PABIR3: variants seen among roughly 807,000 people sequenced by gnomAD.
The protein encoded by PABIR3 is PABIR family member 1.
In PABIR3, 20 loss-of-function variants were observed where a neutral mutation model predicts 23.1. The observed-to-expected ratio is 0.86, with a 90% CI of 0.61 to 1.26. The LOEUF is 1.26. Among genes scored for constraint, PABIR3 ranks in the 50% most tolerant of loss-of-function variants. The pLI, the probability that PABIR3 is intolerant of heterozygous loss-of-function variation, is 0.00. For synonymous variants in PABIR3, 69 were observed against 68.5 expected, an observed-to-expected ratio of 1.01 and a Z score of -0.04; for missense variants, 189 against 195.4, an observed-to-expected ratio of 0.97 and a Z score of 0.20.
chrX:134,796,998 C>G (rs1449335525), intron 1 of PABIR3: 2 of 113,200 alleles, frequency 1.8e-5, no homozygotes, highest in African/African-American at 3.2e-5. Flanking sequence ...TCCCTGCCCC[C>G]CTCCCGCCTC....
chrX:134,862,351 T>G, the PABIR3 span, among the ~76,000 whole-genome samples: 1 of 110,421 alleles, frequency 9.1e-6, no homozygotes, highest in African/African-American at 3.3e-5. Flanking sequence ...GGTTTCACTG[T>G]GTTGGCCAGG....
intron 4 of PABIR3, among the ~76,000 whole-genome samples, chrX:134,844,653 CTT>C (rs2082375020): frequency 8.9e-6 from 1 of 112,087 alleles, no homozygotes; most frequent in African/African-American, 3.2e-5. Flanking sequence ...GAGCACCTCT[CTT>C]ACAATTTTAC....
chrX:134,854,908 G>A (rs2082738150), downstream of PABIR3: 1 of 112,004 alleles, frequency 8.9e-6, no homozygotes, highest in Non-Finnish European at 1.9e-5. Flanking sequence ...CTAATTAAGT[G>A]TGGGAAAATG....
At chrX:134,861,581 G>A in the PABIR3 span, among the ~76,000 whole-genome samples, 1,032 of 106,251 alleles carry the variant, frequency 9.7e-3, 39 homozygotes, top group East Asian at 0.17. Context: ...GGCTGAGGCA[G>A]GAGAATGGGG....
upstream of PABIR3, among the ~76,000 whole-genome samples, chrX:134,804,709 A>G (rs918005992): frequency 1.4e-4 from 16 of 112,668 alleles, no homozygotes; most frequent in East Asian, 4.1e-3. Flanking sequence ...GCAAAAGTTG[A>G]AAATTAAAAT....
upstream of PABIR3, chrX:134,807,072 T>A: frequency 1.6e-5 from 9 of 577,842 alleles, no homozygotes; most frequent in Non-Finnish European, 1.9e-5. Context: ...GACATGGGGA[T>A]AAAGCGGTTT....
intron 1 of PABIR3, among the ~76,000 whole-genome samples, chrX:134,801,606 C>CA (rs2080066302): frequency 8.9e-6 from 1 of 112,346 alleles, no homozygotes; most frequent in Admixed American, 9.4e-5. Context: ...GCCATAGGGC[C>CA]AGTTTGCCTT....
intron 3 of PABIR3, among the ~76,000 whole-genome samples, chrX:134,815,287 C>A (rs945014803): frequency 9.1e-6 from 1 of 109,753 alleles, no homozygotes; most frequent in African/African-American, 3.3e-5. Flanking sequence ...TCACATTTAT[C>A]TTGAATTGTA....
chrX:134,799,027 T>C (rs957096288), intron 1 of PABIR3, among the ~76,000 whole-genome samples: 1 of 112,189 alleles, frequency 8.9e-6, no homozygotes, highest in East Asian at 2.8e-4. Context: ...AGTGTTTAAA[T>C]GTAATTAGAC....
intron 4 of PABIR3, among the ~76,000 whole-genome samples, chrX:134,830,330 T>G (rs1178424610): frequency 2.2e-5 from 2 of 88,969 alleles, no homozygotes; most frequent in African/African-American, 8.8e-5. Context: ...TTTTCCTTTT[T>G]TTTTTTTTTT....
chrX:134,817,706 G>A (rs947255534), intron 3 of PABIR3, among the ~76,000 whole-genome samples: 7 of 110,481 alleles, frequency 6.3e-5, no homozygotes, highest in Middle Eastern at 4.6e-3. Flanking sequence ...AGATACAGTG[G>A]TGAGAGATGT....
At chrX:134,848,078 C>A in intron 8 of PABIR3, 107 bp downstream of exon 8, 2 of 665,270 alleles carry the variant, frequency 3.0e-6, no homozygotes, top group South Asian at 5.6e-5. Context: ...GAAGTGACTT[C>A]TTTTTAGGGA....
intron 3 of PABIR3, chrX:134,823,059 G>C (rs1283196231): frequency 9.0e-6 from 1 of 110,865 alleles, no homozygotes; most frequent in African/African-American, 3.3e-5. Flanking sequence ...AGAATTGCTT[G>C]AACCTGGGAG....
In PABIR3 at chrX:134,832,356, C is replaced by T. The variant is rs1203536990; in HGVS notation, c.246+3074C>T. On this transcript the variant is annotated intron_variant, in intron 4 of 10. Transcript: ENST00000645433. ...GGCTTATTTCACTTAACATAATGAC[C>T]TCCAGTTTCATCCATGTTGCTACAA... 2.8e-5 allele frequency among the ~76,000 whole-genome samples: 3 copies of T among 107,865 alleles called. No individual in the cohort carries two copies. In the East Asian group the frequency reaches 8.6e-4, roughly 31 times the overall value. 93.7% of individuals were successfully genotyped at this position (107,865 alleles called of 115,157 possible). A position where few individuals can be genotyped will look rare whatever the true frequency, so the allele number is the denominator to read the frequency against.
At position 134,852,893 on chromosome X, in the gene PABIR3, T is replaced by C. The variant is rs771168491; in HGVS notation, c.683T>C (p.Val228Ala). The change falls in exon 10 of 11, where the codon GTG becomes GCG. Residue 228 changes from valine (V) to alanine (A), a missense_variant. Transcript: ENST00000645433. ...SDTSQLSENN[V>A]YLLPATFDGN... ...ACTTCCCAACTGTCAGAAAATAATG[T>C]GTAGTGAGTATTAACATGAGATTTT... 120 of 1,102,461 alleles carry C rather than the reference T, an allele frequency of 1.1e-4. No homozygotes were observed. Among genetic ancestry groups the C allele is most frequent in the East Asian group, 2.7e-4 (8 of 29,477 alleles). The allele number at this position is 1,102,461 out of a possible 1,213,427, so 90.9% of individuals were successfully genotyped here.
intron 2 of PABIR3, among the ~76,000 whole-genome samples, chrX:134,812,415 C>G (rs1260306474): frequency 8.9e-6 from 1 of 111,968 alleles, no homozygotes; most frequent in African/African-American, 3.2e-5. Context: ...AAGAAAATGA[C>G]TGGGAAAGTA....
chrX:134,863,828 G>T, the PABIR3 span, among the ~76,000 whole-genome samples: 1 of 111,075 alleles, frequency 9.0e-6, no homozygotes, highest in Non-Finnish European at 1.9e-5. Flanking sequence ...TGTTATTAAA[G>T]TGTGATAAAT....
chrX:134,821,719 T>C (rs1243356279), intron 3 of PABIR3: 1 of 976,565 alleles, frequency 1.0e-6, no homozygotes, highest in Non-Finnish European at 1.3e-6. Context: ...TGTAATACAT[T>C]CCTGATCCTG....
At chrX:134,817,129 C>A (rs1268066515) in intron 3 of PABIR3, among the ~76,000 whole-genome samples, 2 of 111,496 alleles carry the variant, frequency 1.8e-5, no homozygotes, top group Non-Finnish European at 3.8e-5. Flanking sequence ...CAAGATCGCG[C>A]CACTGCACTC....
Sources: allele counts gnomAD v4.1 joint callset (sites outside exome capture counted in the v4.1 genomes callset), GRCh38; gene constraint gnomAD v4.1.1; transcripts MANE v1.5; gene names NCBI Gene and HGNC (gene_info 2026-07-23, HGNC 2026-07-21).